The following CACNA1A variants were observed in gnomAD, a reference collection of about 807,000 sequenced individuals.
CACNA1A encodes calcium voltage-gated channel subunit alpha1 A, also known as voltage-dependent P/Q-type calcium channel subunit alpha-1A.
CACNA1A carries 57 observed loss-of-function variants against 262.4 expected under a neutral mutation model. The ratio of observed to expected loss-of-function variants is 0.22; its 90% CI spans 0.18 to 0.27. CACNA1A has a LOEUF of 0.27. Ranked by LOEUF, CACNA1A falls within the 10% of genes least tolerant of loss-of-function variation. The probability of loss-of-function intolerance (pLI) is 1.00; values close to 1 mark genes in which losing one functional copy is unlikely to be tolerated. For synonymous variants in CACNA1A, 1,431 were observed against 1,419.3 expected, an observed-to-expected ratio of 1.01 and a Z score of -0.18; for missense variants, 2,526 against 3,562.8, an observed-to-expected ratio of 0.71 and a Z score of 7.41.
intron 11 of CACNA1A, among the ~76,000 whole-genome samples, chr19:13,313,102 C>A (rs1041637359): frequency 2.0e-5 from 3 of 152,022 alleles, no homozygotes; most frequent in African/African-American, 7.2e-5. Flanking sequence ...CTCAAGTGAT[C>A]CTCCCAGCAC....
At chr19:13,358,857 C>T (rs549006794) in intron 6 of CACNA1A, among the ~76,000 whole-genome samples, 15 of 152,118 alleles carry the variant, frequency 9.9e-5, no homozygotes, top group Admixed American at 2.0e-4. Context: ...ATTTAGAATC[C>T]GGATATCTGC....
intron 44 of CACNA1A, 45 bp downstream of exon 44, chr19:13,210,572 A>AG: frequency 2.0e-6 from 3 of 1,513,378 alleles, no homozygotes. Flanking sequence ...GGGGAGGAAG[A>AG]GGGGGCCGGA....
At chr19:13,341,874 T>G (rs141325364) in intron 6 of CACNA1A, among the ~76,000 whole-genome samples, 285 of 152,320 alleles carry the variant, frequency 1.9e-3, no homozygotes, top group African/African-American at 6.6e-3. Flanking sequence ...GTCCTTTTTG[T>G]TCCCTGCTGT....
At position 13,207,545 on chromosome 19, in the gene CACNA1A, A is replaced by G. The variant is rs1600073687; in HGVS notation, c.7289T>C (p.Met2430Thr). ...GGGTGGCGCGTCGTAGGCCCCGGCCATGGCCTCCTCGCCGCCCCCGCTGCC... is the reference window on the plus strand; with the variant it reads ...GGGTGGCGCGTCGTAGGCCCCGGCCGTGGCCTCCTCGCCGCCCCCGCTGCC... ...GPGSGGGEEA[M>T]AGAYDAPPPV... is the part of the protein sequence containing the mutation. Residue 2430 changes from methionine to threonine, a missense_variant, in exon 47 of 47, where the codon ATG (methionine) becomes ACG (threonine). Transcript: ENST00000360228. This position sits in a 1 kb window ranked among gnomAD's most constrained non-coding sequence, Gnocchi z 5.7. 1.4e-6 allele frequency: 2 copies of G among 1,455,214 alleles called. No individual in the cohort carries two copies. Among genetic ancestry groups the G allele is most frequent in the Non-Finnish European group, 9.1e-7 (1 of 1,103,646 alleles). The allele number at this position is 1,455,214 out of a possible 1,614,324, so 90.1% of individuals were successfully genotyped here. A position where few individuals can be genotyped will look rare whatever the true frequency, so the allele number is the denominator to read the frequency against.
At position 13,214,229 on chromosome 19, in the gene CACNA1A, G is replaced by A. The variant is rs749339070; in HGVS notation, c.5940+4C>T. On this transcript the variant is annotated splice_donor_region_variant and intron_variant, in intron 40 of 46. Coordinates refer to ENST00000360228, the MANE Select transcript of CACNA1A (RefSeq NM_001127222.2). This position sits in a 1 kb window ranked among gnomAD's most constrained non-coding sequence, Gnocchi z 4.1. ...AGATGTCCCCAGAGCGGCGAACAGC[G>A]CACCTGCTCCTCGCGCATGGCCTGC... The A allele has an allele frequency of 1.3e-5, 21 of 1,604,260 alleles. No individual in the cohort carries two copies. The highest frequency in any genetic ancestry group is 2.2e-5 in the East Asian group (1 of 44,788).
intron 4 of CACNA1A, among the ~76,000 whole-genome samples, chr19:13,368,338 C>CT (rs796514314): frequency 0.044 from 6,135 of 140,608 alleles, 286 homozygotes; most frequent in African/African-American, 0.12. Context: ...CTATCATTGG[C>CT]TTTTTTTTTT....
At chr19:13,355,139 G>A (rs532092353) in intron 6 of CACNA1A, among the ~76,000 whole-genome samples, 1 of 152,262 alleles carries the variant, frequency 6.6e-6, no homozygotes, top group African/African-American at 2.4e-5. Flanking sequence ...GCCTCCCAAA[G>A]TGCTGGGATT....
At position 13,262,734 on chromosome 19, in the gene CACNA1A, C is replaced by T. The variant is rs946858273; in HGVS notation, c.4089G>A (p.Lys1363=). ...GCACCCCACCATCTCCCAATCTCACCTTGAGCTTTGGCAGCCGCTTGATGG... is the reference window on the plus strand; with the variant it reads ...GCACCCCACCATCTCCCAATCTCACTTTGAGCTTTGGCAGCCGCTTGATGG... The part of the protein sequence containing the change: ...LKTIKRLPKL[K]AVFDCVVNSL... The change falls in exon 25 of 47, where the codon AAG becomes AAA. Residue 1363 remains lysine (K), a splice_region_variant and synonymous_variant. Coordinates refer to ENST00000360228, the MANE Select transcript of CACNA1A (RefSeq NM_001127222.2). The T allele has an allele frequency of 2.5e-6, 4 of 1,605,204 alleles. No homozygotes were observed. The highest frequency in any genetic ancestry group is 3.4e-6 in the Non-Finnish European group (4 of 1,172,806).
chr19:13,454,684 T>C (rs2144945204), intron 2 of CACNA1A, among the ~76,000 whole-genome samples: 1 of 152,326 alleles, frequency 6.6e-6, no homozygotes, highest in South Asian at 2.1e-4. Context: ...GACATAATTA[T>C]TAACATTAAC....
chr19:13,505,869 A>C, intron 1 of CACNA1A, 63 bp downstream of exon 1: 3 of 1,516,154 alleles, frequency 2.0e-6, no homozygotes, highest in Non-Finnish European at 2.7e-6. Context: ...CCAGCCTGGA[A>C]GAGGGGAGGC....
chr19:13,269,308 C>T (rs2056955943), intron 24 of CACNA1A, among the ~76,000 whole-genome samples: 1 of 152,220 alleles, frequency 6.6e-6, no homozygotes, highest in Non-Finnish European at 1.5e-5. Flanking sequence ...GATGAGGAAG[C>T]TGAGGCCTAG....
intron 3 of CACNA1A, among the ~76,000 whole-genome samples, chr19:13,421,390 G>T (rs1322211472): frequency 6.6e-6 from 1 of 152,096 alleles, no homozygotes; most frequent in Non-Finnish European, 1.5e-5. Flanking sequence ...TGGATGGGTA[G>T]GGCCCTGCTC....
At position 13,241,920 on chromosome 19, in the gene CACNA1A, C is replaced by T. The variant is rs1005680818; in HGVS notation, c.4950+3262G>A. ...CTGAGACAGCACTGGTTAGTACTGC[C>T]GCATGCCCTCTGCCCCCTAAACCCC... On this transcript the variant is annotated intron_variant, in intron 31 of 46. Coordinates refer to ENST00000360228, the MANE Select transcript of CACNA1A (RefSeq NM_001127222.2). This position sits in a 1 kb window ranked among gnomAD's most constrained non-coding sequence, Gnocchi z 4.0. Among the ~76,000 whole-genome samples the T allele has an allele frequency of 1.3e-5, 2 of 152,186 alleles. No individual in the cohort carries two copies. Among genetic ancestry groups the T allele is most frequent in the African/African-American group, 4.8e-5 (2 of 41,436 alleles).
intron 3 of CACNA1A, among the ~76,000 whole-genome samples, chr19:13,416,293 G>A (rs1242878999): frequency 1.3e-5 from 2 of 152,008 alleles, no homozygotes; most frequent in African/African-American, 2.4e-5. Flanking sequence ...TATAGAGATG[G>A]GGTCTTCCTA....
intron 3 of CACNA1A, among the ~76,000 whole-genome samples, chr19:13,413,106 T>C (rs1599396579): frequency 8.2e-6 from 1 of 121,776 alleles, no homozygotes; most frequent in Non-Finnish European, 1.5e-5. Context: ...TTTTGTTTTT[T>C]TTTTTTGTTT....
rs2057373758 is a variant in CACNA1A at position 13,285,191 on chromosome 19, T to G, written c.3569A>C (p.Asn1190Thr). 1.2e-6 allele frequency: 2 copies of G among 1,613,808 alleles called. No homozygotes were observed. Among genetic ancestry groups the G allele is most frequent in the African/African-American group, 2.7e-5 (2 of 74,896 alleles). Reference sequence around the variant, plus strand: ...CTCTTTTTTTGGCAGTGGGTCTGGGTTGGCGTTTTTGTTCACTGTTGGGAC... The same window carrying G: ...CTCTTTTTTTGGCAGTGGGTCTGGGGTGGCGTTTTTGTTCACTGTTGGGAC... Reference protein sequence around the residue: ...HTVVQVNKNANPDPLPKKEEE... With the variant: ...HTVVQVNKNATPDPLPKKEEE... The change falls in exon 21 of 47, where the codon AAC becomes ACC. Residue 1190 changes from asparagine to threonine, a missense_variant. Asn to Thr is a moderately conservative substitution (Grantham distance 65, BLOSUM62 0). Around this residue, in one of 17 missense-constraint regions of CACNA1A, gnomAD observed 765 missense variants for 748.6 expected, o/e 1.02. Transcript: ENST00000360228.
intron 6 of CACNA1A, among the ~76,000 whole-genome samples, chr19:13,350,954 T>C (rs1221925357): frequency 6.6e-6 from 1 of 152,142 alleles, no homozygotes; most frequent in African/African-American, 2.4e-5. Flanking sequence ...TGAGCTATGA[T>C]TGCATCATCG....
intron 19 of CACNA1A, among the ~76,000 whole-genome samples, chr19:13,289,463 AC>A (rs1465909304): frequency 6.6e-6 from 1 of 152,050 alleles, no homozygotes; most frequent in Non-Finnish European, 1.5e-5. Flanking sequence ...CAGCAACATC[AC>A]TAGCTGTGCA....
At chr19:13,415,594 A>G (rs924157672) in intron 3 of CACNA1A, among the ~76,000 whole-genome samples, 4 of 151,376 alleles carry the variant, frequency 2.6e-5, no homozygotes, top group African/African-American at 9.7e-5. Context: ...CACAAAAATT[A>G]CCCAGGCATG....
Sources: allele counts gnomAD v4.1 joint callset (sites outside exome capture counted in the v4.1 genomes callset), GRCh38; gene constraint gnomAD v4.1.1; regional missense constraint gnomAD v4.1.1; non-coding constraint Gnocchi (gnomAD v3.1); transcripts MANE v1.5; gene names NCBI Gene and HGNC (gene_info 2026-07-23, HGNC 2026-07-21).